The following NLGN1 variants were observed in gnomAD, a reference collection of about 807,000 sequenced individuals.
The protein encoded by NLGN1 is neuroligin-1.
NLGN1 carries 12 observed loss-of-function variants against 65.5 expected under a neutral mutation model. The observed-to-expected ratio is 0.18, with a 90% CI of 0.12 to 0.30. The LOEUF is 0.30. Among genes scored for constraint, NLGN1 ranks in the 10% least tolerant of loss-of-function variants. The pLI is 1.00. For synonymous variants in NLGN1, 350 were observed against 359.5 expected (o/e 0.97, Z 0.30); for missense variants, 750 against 1,007.1 (o/e 0.74, Z 3.46).
intron 4 of NLGN1, among the ~76,000 whole-genome samples, chr3:173,862,632 TA>T (rs1729375017): frequency 6.7e-6 from 1 of 149,916 alleles, no homozygotes; most frequent in Non-Finnish European, 1.5e-5. Context: ...TGCCTAAAAA[TA>T]TCCAGAAAGG....
intron 3 of NLGN1, among the ~76,000 whole-genome samples, chr3:173,780,839 G>A (rs1207552239): frequency 6.6e-6 from 1 of 151,988 alleles, no homozygotes; most frequent in African/African-American, 2.4e-5. Context: ...TATGTTCATG[G>A]TTTTTGAAAA....
chr3:174,145,694 A>G (rs529057622), intron 4 of NLGN1, among the ~76,000 whole-genome samples: 6 of 151,594 alleles, frequency 4.0e-5, no homozygotes, highest in Non-Finnish European at 8.8e-5. Context: ...TTAAAAGACT[A>G]GATAATGCTC....
At chr3:173,819,628 C>T (rs556295558) in intron 4 of NLGN1, among the ~76,000 whole-genome samples, 22 of 152,304 alleles carry the variant, frequency 1.4e-4, no homozygotes, top group African/African-American at 3.6e-4. Context: ...ATTCATCCCT[C>T]TCTTCTCTCT....
intron 4 of NLGN1, among the ~76,000 whole-genome samples, chr3:173,955,499 G>A (rs1002752647): frequency 2.4e-4 from 37 of 152,062 alleles, no homozygotes; most frequent in Non-Finnish European, 4.4e-4. Context: ...AGAGTCCATG[G>A]TAAATACACC....
intron 3 of NLGN1, among the ~76,000 whole-genome samples, chr3:173,607,220 G>A (rs9859475): frequency 0.091 from 13,853 of 151,892 alleles, 762 homozygotes; most frequent in South Asian, 0.19. Flanking sequence ...TTTAGTAAGA[G>A]AGTTGGCAAA....
chr3:173,488,396 T>C (rs184136393), intron 2 of NLGN1, among the ~76,000 whole-genome samples: 1 of 152,220 alleles, frequency 6.6e-6, no homozygotes, highest in East Asian at 1.9e-4. Flanking sequence ...TTTTTTATTT[T>C]CCCCCACTTT....
intron 4 of NLGN1, among the ~76,000 whole-genome samples, chr3:173,809,592 C>G (rs1465563002): frequency 6.6e-6 from 1 of 152,114 alleles, no homozygotes; most frequent in Non-Finnish European, 1.5e-5. Context: ...GCTTTGGCCA[C>G]AAGTTTTTTT....
chr3:174,127,948 G>C (rs923233703), intron 4 of NLGN1, among the ~76,000 whole-genome samples: 63 of 152,116 alleles, frequency 4.1e-4, no homozygotes, highest in African/African-American at 1.4e-3. Flanking sequence ...AGTACAAAAA[G>C]CTGTGTACAG....
At chr3:173,935,972 A>G (rs1352257475) in intron 4 of NLGN1, among the ~76,000 whole-genome samples, 3 of 152,004 alleles carry the variant, frequency 2.0e-5, no homozygotes, top group Non-Finnish European at 4.4e-5. Context: ...GAGCAAGTTA[A>G]AAGTTCTTAA....
chr3:173,861,533 TGTG>T (rs1729086676), intron 4 of NLGN1, among the ~76,000 whole-genome samples: 1 of 150,168 alleles, frequency 6.7e-6, no homozygotes, highest in African/African-American at 2.5e-5. Flanking sequence ...TGTGTGTGTG[TGTG>T]TGTGTGTGTG....
Position 174,285,244 on chromosome 3 carries a change from G to A in NLGN1, c.*3941G>A, listed in dbSNP as rs553646117. The A allele has an allele frequency of 3.3e-5, 5 of 151,536 alleles. No individual in the cohort carries two copies. In the South Asian group the frequency reaches 8.3e-4, roughly 25 times the overall value. 9.4% of individuals were successfully genotyped at this position (151,536 alleles called of 1,614,324 possible). On this transcript the variant is annotated 3_prime_UTR_variant, in exon 7 of 7. Transcript: ENST00000457714. ...CTGTCAAATATGGCAGTCTTTTGAT[G>A]TTAGTAATTTTGTTTTCTTCTGTGT...
At chr3:173,660,358 A>AT (rs1241182796) in intron 3 of NLGN1, among the ~76,000 whole-genome samples, 2 of 95,204 alleles carry the variant, frequency 2.1e-5, no homozygotes, top group East Asian at 3.8e-4. Context: ...TCATCTCCTT[A>AT]TTTTATTTTT....
intron 4 of NLGN1, among the ~76,000 whole-genome samples, chr3:174,097,502 A>G (rs879454063): frequency 6.6e-6 from 1 of 152,202 alleles, no homozygotes; most frequent in Non-Finnish European, 1.5e-5. Flanking sequence ...ATGTTTTAAT[A>G]TAATGTACAT....
chr3:173,945,164 C>T (rs1003422988), intron 4 of NLGN1, among the ~76,000 whole-genome samples: 1 of 151,804 alleles, frequency 6.6e-6, no homozygotes, highest in Non-Finnish European at 1.5e-5. Context: ...TTTCAGAAGT[C>T]TTTGGAAAAT....
intron 4 of NLGN1, among the ~76,000 whole-genome samples, chr3:174,152,889 C>G (rs1312170342): frequency 6.6e-6 from 1 of 152,076 alleles, no homozygotes; most frequent in Admixed American, 6.6e-5. Context: ...AGTATGATGA[C>G]TTTTTAAAGT....
intron 2 of NLGN1, among the ~76,000 whole-genome samples, chr3:173,480,640 A>G (rs1462926968): frequency 6.6e-6 from 1 of 152,158 alleles, no homozygotes; most frequent in East Asian, 1.9e-4. Flanking sequence ...TAGTAAATGT[A>G]GTAAATTTTT....
At chr3:173,827,989 GACA>G (rs1021235229) in intron 4 of NLGN1, among the ~76,000 whole-genome samples, 1 of 151,980 alleles carries the variant, frequency 6.6e-6, no homozygotes, top group African/African-American at 2.4e-5. Flanking sequence ...CACCCTCACA[GACA>G]ACACCTGGAA....
intron 4 of NLGN1, among the ~76,000 whole-genome samples, chr3:174,140,805 A>G (rs1722142113): frequency 6.6e-6 from 1 of 152,170 alleles, no homozygotes; most frequent in South Asian, 2.1e-4. Context: ...GAAAGTTATC[A>G]TTTCAATTAG....
chr3:174,055,638 C>T (rs572847544), intron 4 of NLGN1, among the ~76,000 whole-genome samples: 1 of 152,094 alleles, frequency 6.6e-6, no homozygotes, highest in South Asian at 2.1e-4. Flanking sequence ...CAATTGAATG[C>T]CATATACCAT....
Sources: gnomAD v4.1 joint callset for allele counts (sites outside exome capture counted in the v4.1 genomes callset) on GRCh38, gnomAD v4.1.1 for gene constraint, MANE v1.5 for transcripts, NCBI Gene and HGNC (gene_info 2026-07-23, HGNC 2026-07-21) for gene names.